The following UNK variants were observed in gnomAD, a reference collection of about 807,000 sequenced individuals.
UNK encodes unk zinc finger.
UNK carries 32 observed loss-of-function variants against 97.6 expected under a neutral mutation model. The observed-to-expected ratio is 0.33, with a 90% CI of 0.25 to 0.44. The LOEUF (loss-of-function observed/expected upper bound fraction) is 0.44. Ranked by LOEUF, UNK falls within the 20% of genes least tolerant of loss-of-function variation. UNK has a pLI of 1.00. For synonymous variants in UNK, 441 were observed against 461.2 expected, an observed-to-expected ratio of 0.96 and a Z score of 0.56; for missense variants, 771 against 1,098.4, an observed-to-expected ratio of 0.70 and a Z score of 4.21.
chr17:75,808,703 G>A (rs1003551329), intron 1 of UNK, among the ~76,000 whole-genome samples: 6 of 151,980 alleles, frequency 3.9e-5, no homozygotes, highest in Non-Finnish European at 8.8e-5. Context: ...TCTCGATGAC[G>A]TTAGATGTCC....
In UNK at chr17:75,798,044, C is replaced by T. The variant is rs546460251; in HGVS notation, c.105-11716C>T. Among the ~76,000 whole-genome samples, 3 of 151,210 alleles carry T rather than the reference C, an allele frequency of 2.0e-5. No homozygotes were observed. The East Asian group carries it at 5.8e-4, about 29-fold the overall frequency. Reference sequence around the variant, plus strand: ...TGGACATTCATGCAGACATGCACTCCACAAAAAGATTGACCACAGCTCTTT... The same window carrying T: ...TGGACATTCATGCAGACATGCACTCTACAAAAAGATTGACCACAGCTCTTT... On this transcript the variant is annotated intron_variant, in intron 1 of 15. Coordinates refer to ENST00000589666, the MANE Select transcript of UNK (RefSeq NM_001080419.3).
intron 1 of UNK, among the ~76,000 whole-genome samples, chr17:75,793,254 T>C (rs561872761): frequency 1.3e-5 from 2 of 152,260 alleles, no homozygotes; most frequent in South Asian, 4.1e-4. Flanking sequence ...TAAAATGTAA[T>C]AGAGTCCATT....
intron 13 of UNK, 22 bp from the exon 14 acceptor site, chr17:75,822,455 G>A (rs368836821): frequency 6.3e-6 from 10 of 1,595,234 alleles, no homozygotes; most frequent in African/African-American, 1.3e-5. Flanking sequence ...CGGAGCTGAT[G>A]TTCTTCCCCT....
rs1278984030 is a variant in UNK, at chr17:75,816,663, C to T, written c.962-107C>T. 3 of 1,378,894 alleles carry T rather than the reference C, an allele frequency of 2.2e-6. No homozygotes were observed. The highest frequency in any genetic ancestry group is 2.9e-6 in the Non-Finnish European group (3 of 1,043,126). The allele number at this position is 1,378,894 out of a possible 1,614,324, so 85.4% of individuals were successfully genotyped here. On this transcript the variant is annotated intron_variant, in intron 7 of 15. Coordinates refer to ENST00000589666, the MANE Select transcript of UNK (RefSeq NM_001080419.3). The surrounding 1 kb of genome is among the most constrained non-coding windows in gnomAD (Gnocchi z 4.0). ...ACTAGAGATGTCGTAGGAACCTTCC[C>T]TTTATGTGCAGGGGGATTTGTGGTC...
intron 6 of UNK, among the ~76,000 whole-genome samples, chr17:75,814,767 A>G (rs1240575500): frequency 2.6e-5 from 4 of 152,178 alleles, no homozygotes; most frequent in African/African-American, 9.7e-5. Flanking sequence ...AGCAGAGTGG[A>G]AGGTTACTTA....
chr17:75,822,989 C>T (rs145733969), intron 14 of UNK, among the ~76,000 whole-genome samples: 15 of 152,314 alleles, frequency 9.8e-5, no homozygotes, highest in East Asian at 5.8e-4. Context: ...CAGCTGCAGC[C>T]GGCTACCCTA....
At chr17:75,823,564 C>T in intron 15 of UNK, 42 bp downstream of exon 15, 1 of 1,490,170 alleles carries the variant, frequency 6.7e-7, no homozygotes, top group African/African-American at 1.4e-5. Context: ...TGCACGGTGG[C>T]CTCAGCCAGC....
chr17:75,817,436 T>A lies in UNK; in HGVS notation c.1215T>A (p.Ser405=), dbSNP rs2062027552. 6.2e-7 allele frequency: 1 copy of A among 1,613,292 alleles called. No homozygotes were observed. Among genetic ancestry groups the A allele is most frequent in the Non-Finnish European group, 8.5e-7 (1 of 1,179,610 alleles). Residue 405 remains serine (S), a synonymous_variant, in exon 9 of 16, where the codon TCT becomes TCA. Coordinates refer to ENST00000589666, the MANE Select transcript of UNK (RefSeq NM_001080419.3). The surrounding 1 kb of genome is among the most constrained non-coding windows in gnomAD (Gnocchi z 5.8). ...NLEGIVFPGE[S]GLAPGSYKKA... is the part of the protein sequence containing the mutation. Reference sequence around the variant, plus strand: ...AGGGCATCGTCTTCCCTGGGGAGTCTGGCCTGGCCCCTGGCAGCTATAAGA... The same window carrying A: ...AGGGCATCGTCTTCCCTGGGGAGTCAGGCCTGGCCCCTGGCAGCTATAAGA...
intron 1 of UNK, among the ~76,000 whole-genome samples, chr17:75,793,034 G>T (rs1465857181): frequency 6.6e-6 from 1 of 152,186 alleles, no homozygotes; most frequent in African/African-American, 2.4e-5. Context: ...ATGCCGCCAT[G>T]TTATAAGTCT....
intron 1 of UNK, chr17:75,785,879 G>A (rs2061705502): frequency 6.6e-6 from 1 of 151,932 alleles, no homozygotes; most frequent in South Asian, 2.1e-4. Flanking sequence ...ATCCCCATGG[G>A]CTCCTGAGTG....
At position 75,819,401 on chromosome 17, in the gene UNK, C is replaced by G. The variant is rs1257594591; in HGVS notation, c.1547-283C>G. On this transcript the variant is annotated intron_variant, in intron 11 of 15. Coordinates refer to ENST00000589666, the MANE Select transcript of UNK (RefSeq NM_001080419.3). This position sits in a 1 kb window ranked among gnomAD's most constrained non-coding sequence, Gnocchi z 5.4. ...TGAGTTGTAACATCAGGGGACAAGA[C>G]CCTTGTCCGAGGCAGGGACCCTGGA... Among the ~76,000 whole-genome samples, 1 of 152,172 alleles carries G rather than the reference C, an allele frequency of 6.6e-6. No individual in the cohort carries two copies. Among genetic ancestry groups the G allele is most frequent in the Non-Finnish European group, 1.5e-5 (1 of 68,028 alleles).
At chr17:75,791,504 CAGTG>C (rs1397479562) in intron 1 of UNK, among the ~76,000 whole-genome samples, 2 of 152,228 alleles carry the variant, frequency 1.3e-5, no homozygotes, top group African/African-American at 4.8e-5. Flanking sequence ...TGAGCAACCT[CAGTG>C]AGAACGAGCT....
intron 14 of UNK, 114 bp downstream of exon 14, chr17:75,822,772 C>G (rs758444809): frequency 2.3e-6 from 3 of 1,297,764 alleles, no homozygotes; most frequent in Non-Finnish European, 3.1e-6. Flanking sequence ...AAGAACAGAG[C>G]AGAAACTCAG....
Position 75,795,087 on chromosome 17 carries a change from A to G in UNK, c.104+10103A>G, listed in dbSNP as rs2061794077. 3.3e-5 allele frequency among the ~76,000 whole-genome samples: 5 copies of G among 152,166 alleles called. No individual in the cohort carries two copies. The South Asian group carries it at 1.0e-3, about 32-fold the overall frequency. On this transcript the variant is annotated intron_variant, in intron 1 of 15. Transcript: ENST00000589666. The stretch of plus-strand genomic sequence containing the variant: ...AGTTCTCTCTTCCACGTCCACTTGA[A>G]TTCTTATTTCATTCTCCAGTCTTTG...
chr17:75,796,581 CT>C (rs1353030117), intron 1 of UNK, among the ~76,000 whole-genome samples: 1 of 152,180 alleles, frequency 6.6e-6, no homozygotes, highest in African/African-American at 2.4e-5. Flanking sequence ...CCTGCCTCTG[CT>C]CCCCAAAGTG....
At chr17:75,810,098 C>A in intron 2 of UNK, 129 bp downstream of exon 2, 1 of 1,140,828 alleles carries the variant, frequency 8.8e-7, no homozygotes, top group Non-Finnish European at 1.2e-6. Context: ...TGGCCCGAGC[C>A]TGGACTCAGA....
chr17:75,818,630 C>G lies in UNK; in HGVS notation c.1372-12C>G. ...CCTACCATTGCTTCTCCTCTTCCCT[C>G]TCTCGTTGCAGGACATGCTGGGCAT... is the stretch of plus-strand genomic sequence containing the variant. On this transcript the variant is annotated splice_polypyrimidine_tract_variant and intron_variant, in intron 10 of 15. Coordinates refer to ENST00000589666, the MANE Select transcript of UNK (RefSeq NM_001080419.3). The surrounding 1 kb of genome is among the most constrained non-coding windows in gnomAD (Gnocchi z 5.1). 1 of 1,580,912 alleles carries G rather than the reference C, an allele frequency of 6.3e-7. No individual in the cohort carries two copies. Among genetic ancestry groups the G allele is most frequent in the Non-Finnish European group, 8.6e-7 (1 of 1,160,802 alleles).
At chr17:75,790,469 A>G (rs1030368230) in intron 1 of UNK, among the ~76,000 whole-genome samples, 1 of 151,870 alleles carries the variant, frequency 6.6e-6, no homozygotes, top group Non-Finnish European at 1.5e-5. Context: ...CCTCTCTACT[A>G]AAAATTAAAA....
chr17:75,792,174 A>G, intron 1 of UNK: 1 of 882,172 alleles, frequency 1.1e-6, no homozygotes, highest in Non-Finnish European at 1.4e-6. Context: ...CTCCAGGTCA[A>G]GAGTGATGAC....
Sources: allele counts gnomAD v4.1 joint callset (sites outside exome capture counted in the v4.1 genomes callset), GRCh38; gene constraint gnomAD v4.1.1; non-coding constraint Gnocchi (gnomAD v3.1); transcripts MANE v1.5; gene names NCBI Gene and HGNC (gene_info 2026-07-23, HGNC 2026-07-21).